ZFR: variants seen among roughly 807,000 people sequenced by gnomAD.
ZFR encodes the protein zinc finger RNA binding protein.
ZFR carries 19 observed loss-of-function variants against 130.7 expected under a neutral mutation model. That is an observed-to-expected ratio of 0.15 (90% CI 0.10 to 0.21). The LOEUF (loss-of-function observed/expected upper bound fraction) is 0.21. Ranked by LOEUF, ZFR falls within the 10% of genes least tolerant of loss-of-function variation. The pLI is 1.00. For synonymous variants in ZFR, 466 were observed against 456.9 expected (o/e 1.02, Z -0.25); for missense variants, 872 against 1,321.5 (o/e 0.66, Z 5.27).
chr5:32,356,397 C>A (rs1008975437), intron 19 of ZFR, among the ~76,000 whole-genome samples: 6 of 152,000 alleles, frequency 3.9e-5, no homozygotes, highest in African/African-American at 1.5e-4. Context: ...AAACACTAGG[C>A]TGGTTTCAGT....
At chr5:32,411,701 AAAAAT>A in intron 5 of ZFR, among the ~76,000 whole-genome samples, 1 of 26,476 alleles carries the variant, frequency 3.8e-5, no homozygotes, top group Non-Finnish European at 9.0e-5. Flanking sequence ...AAAAAAAAAA[AAAAAT>A]TGAGGGGGGG....
chr5:32,410,867 A>G (rs1374303451), intron 5 of ZFR, among the ~76,000 whole-genome samples: 3 of 152,200 alleles, frequency 2.0e-5, no homozygotes, highest in African/African-American at 7.2e-5. Context: ...GCAACTCTGG[A>G]CTGTGTATCA....
chr5:32,437,411 C>CA (rs570526195), intron 2 of ZFR, among the ~76,000 whole-genome samples: 125 of 150,212 alleles, frequency 8.3e-4, no homozygotes, highest in East Asian at 3.5e-3. Context: ...TCAAATAAAA[C>CA]AAAAAAAAAC....
chr5:32,359,514 T>C (rs1349979670), intron 19 of ZFR, among the ~76,000 whole-genome samples: 1 of 152,212 alleles, frequency 6.6e-6, no homozygotes, highest in Non-Finnish European at 1.5e-5. Context: ...ATCTTAAAAA[T>C]GTACTGATAC....
chr5:32,442,273 C>T (rs7725612), intron 2 of ZFR, among the ~76,000 whole-genome samples: 43 of 152,208 alleles, frequency 2.8e-4, no homozygotes, highest in African/African-American at 9.4e-4. Context: ...CTAGTAATTG[C>T]CAGCAGATTT....
At chr5:32,402,162 GA>G (rs11323186) in intron 8 of ZFR, among the ~76,000 whole-genome samples, 32,131 of 152,100 alleles carry the variant, frequency 0.21, 4,026 homozygotes, top group African/African-American at 0.36. Context: ...AATAGAGGCG[GA>G]CAGTGAGACG....
At chr5:32,414,935 G>C in intron 5 of ZFR, 34 bp downstream of exon 5, 1 of 1,563,510 alleles carries the variant, frequency 6.4e-7, no homozygotes, top group South Asian at 1.1e-5. Context: ...TTCCTAATTT[G>C]TTTACTCATT....
intron 15 of ZFR, among the ~76,000 whole-genome samples, chr5:32,381,082 A>AG (rs1561873811): frequency 1.3e-5 from 2 of 152,190 alleles, no homozygotes; most frequent in African/African-American, 4.8e-5. Flanking sequence ...GAGAAACAAT[A>AG]GGCAAGCAGA....
At chr5:32,396,730 C>T (rs1231133937) in intron 10 of ZFR, among the ~76,000 whole-genome samples, 2 of 151,654 alleles carry the variant, frequency 1.3e-5, no homozygotes, top group East Asian at 1.9e-4. Flanking sequence ...GGCTACAGAG[C>T]GAGACTCCAT....
At chr5:32,409,246 T>C (rs879891134) in intron 5 of ZFR, among the ~76,000 whole-genome samples, 2 of 152,200 alleles carry the variant, frequency 1.3e-5, no homozygotes, top group Non-Finnish European at 2.9e-5. Context: ...AATGGTCAGT[T>C]TACCAGTTTT....
intron 5 of ZFR, among the ~76,000 whole-genome samples, chr5:32,409,588 T>C (rs1333868644): frequency 6.6e-6 from 1 of 152,146 alleles, no homozygotes; most frequent in Non-Finnish European, 1.5e-5. Flanking sequence ...GTATTTTTAG[T>C]AGAGACGGGG....
intron 2 of ZFR, among the ~76,000 whole-genome samples, chr5:32,436,659 T>C (rs557738340): frequency 3.3e-4 from 51 of 152,298 alleles, no homozygotes; most frequent in Admixed American, 2.7e-3. Context: ...ATTTTATTAA[T>C]AATACAGAGT....
At chr5:32,368,758 A>G (rs534627947) in intron 17 of ZFR, among the ~76,000 whole-genome samples, 3 of 152,332 alleles carry the variant, frequency 2.0e-5, no homozygotes, top group African/African-American at 7.2e-5. Flanking sequence ...TATCCTCGCT[A>G]AGTGATGCTC....
At chr5:32,366,636 C>G (rs1272885886) in intron 17 of ZFR, among the ~76,000 whole-genome samples, 1 of 151,968 alleles carries the variant, frequency 6.6e-6, no homozygotes, top group East Asian at 1.9e-4. Context: ...AAGCACATGT[C>G]TACAGTTAAA....
chr5:32,426,447 A>G (rs1754075171), intron 2 of ZFR, among the ~76,000 whole-genome samples: 1 of 152,216 alleles, frequency 6.6e-6, no homozygotes, highest in African/African-American at 2.4e-5. Flanking sequence ...CCTCAATATA[A>G]TAAAAACTAT....
intron 17 of ZFR, among the ~76,000 whole-genome samples, chr5:32,374,304 T>C (rs1334882719): frequency 2.6e-5 from 4 of 152,064 alleles, no homozygotes; most frequent in Non-Finnish European, 5.9e-5. Flanking sequence ...TCAGGAGTTC[T>C]AGACTACCCT....
intron 2 of ZFR, among the ~76,000 whole-genome samples, chr5:32,436,129 A>G (rs1754325881): frequency 7.2e-6 from 1 of 138,736 alleles, no homozygotes. Context: ...GTTGGTAACC[A>G]CAGTTGTATT....
intron 19 of ZFR, among the ~76,000 whole-genome samples, chr5:32,357,789 T>C (rs2111643169): frequency 6.6e-6 from 1 of 152,360 alleles, no homozygotes; most frequent in South Asian, 2.1e-4. Flanking sequence ...TGTATGTATG[T>C]ATAGCTTAAT....
intron 17 of ZFR, among the ~76,000 whole-genome samples, chr5:32,372,420 T>C (rs1202310324): frequency 2.6e-5 from 4 of 152,100 alleles, no homozygotes; most frequent in Non-Finnish European, 2.9e-5. Flanking sequence ...CTCTATATGG[T>C]TGACCCTTGA....
Sources: gnomAD v4.1 joint callset for allele counts (sites outside exome capture counted in the v4.1 genomes callset) on GRCh38, gnomAD v4.1.1 for gene constraint, MANE v1.5 for transcripts, NCBI Gene and HGNC (gene_info 2026-07-23, HGNC 2026-07-21) for gene names.